The following RALYL variants were observed in gnomAD, a reference collection of about 807,000 sequenced individuals.
The protein encoded by RALYL is RALY RNA binding protein like, also known as RNA-binding Raly-like protein.
Under a neutral mutation model 35.1 loss-of-function variants are expected in RALYL, and 29 were observed. That is an observed-to-expected ratio of 0.83 (90% CI 0.61 to 1.13). RALYL has a LOEUF of 1.13. Among genes scored for constraint, RALYL ranks in the 50% most tolerant of loss-of-function variants. The pLI, the probability that RALYL is intolerant of heterozygous loss-of-function variation, is 0.00. For missense variants in RALYL, 359 were observed against 360.4 expected (o/e 1.00, Z 0.03); for synonymous variants, 120 against 127.6 (o/e 0.94, Z 0.40).
chr8:84,521,636 G>A (rs905449268), intron 1 of RALYL, among the ~76,000 whole-genome samples: 4 of 152,044 alleles, frequency 2.6e-5, no homozygotes, highest in Non-Finnish European at 5.9e-5. Context: ...ATTACTCTTT[G>A]TTTACAAAAT....
chr8:84,603,218 G>A (rs1022397311), intron 2 of RALYL, among the ~76,000 whole-genome samples: 1 of 151,844 alleles, frequency 6.6e-6, no homozygotes, highest in African/African-American at 2.4e-5. Context: ...TGAGAAAGGT[G>A]GTGTTAAAAT....
chr8:84,303,910 A>C (rs1841286633), intron 1 of RALYL, among the ~76,000 whole-genome samples: 2 of 152,028 alleles, frequency 1.3e-5, no homozygotes, highest in South Asian at 4.1e-4. Flanking sequence ...TTTTTATTGG[A>C]ATTCTATTGA....
intron 8 of RALYL, among the ~76,000 whole-genome samples, chr8:84,891,584 C>G (rs1207045259): frequency 6.6e-6 from 1 of 152,152 alleles, no homozygotes; most frequent in Admixed American, 6.5e-5. Context: ...TCTCCCTCAA[C>G]CCTGGTATTA....
chr8:84,918,203 C>T (rs1041860264), intron 8 of RALYL, among the ~76,000 whole-genome samples: 1 of 152,012 alleles, frequency 6.6e-6, no homozygotes, highest in African/African-American at 2.4e-5. Context: ...ATTCCTGCTA[C>T]TGAAGAAGTC....
rs1008102543 is a variant in RALYL at position 84,873,403 on chromosome 8, T to G, written c.685+6T>G. On this transcript the variant is annotated splice_donor_region_variant and intron_variant, in intron 7 of 8. Transcript: ENST00000521268. ...ACAGCAGAAGGCGGAGGCAGGTAAG[T>G]GATCTCTGATCACAGACAGGTCAGA... 4 of 1,511,376 alleles carry G rather than the reference T, an allele frequency of 2.6e-6. No homozygotes were observed. The Admixed American group carries it at 7.3e-5, about 27-fold the overall frequency. The allele number at this position is 1,511,376 out of a possible 1,614,324, so 93.6% of individuals were successfully genotyped here.
chr8:84,885,337 TAAA>T (rs1163118850), intron 7 of RALYL, among the ~76,000 whole-genome samples: 1 of 152,124 alleles, frequency 6.6e-6, no homozygotes, highest in Non-Finnish European at 1.5e-5. Flanking sequence ...TTTACCTTCT[TAAA>T]TTGGATAATA....
intron 1 of RALYL, among the ~76,000 whole-genome samples, chr8:84,321,485 C>G (rs1844797170): frequency 6.6e-6 from 1 of 152,062 alleles, no homozygotes; most frequent in Non-Finnish European, 1.5e-5. Flanking sequence ...TGGAATAACA[C>G]AAAAGTGAGA....
intron 1 of RALYL, among the ~76,000 whole-genome samples, chr8:84,287,157 T>G (rs1274284138): frequency 6.6e-6 from 1 of 152,142 alleles, no homozygotes; most frequent in Non-Finnish European, 1.5e-5. Context: ...ATTTCCATGC[T>G]TGGGAGTAGG....
intron 1 of RALYL, among the ~76,000 whole-genome samples, chr8:84,289,612 G>A (rs1209520867): frequency 1.3e-5 from 2 of 152,040 alleles, no homozygotes; most frequent in African/African-American, 4.8e-5. Context: ...ACATGAGATT[G>A]TTAAAGAAAC....
chr8:84,651,571 G>C (rs74507409), intron 2 of RALYL, among the ~76,000 whole-genome samples: 2,179 of 152,068 alleles, frequency 0.014, 60 homozygotes, highest in African/African-American at 0.049. Flanking sequence ...GAATTTATTT[G>C]ATCTTGAAAA....
At chr8:84,629,607 A>G (rs1823486279) in intron 2 of RALYL, among the ~76,000 whole-genome samples, 1 of 152,042 alleles carries the variant, frequency 6.6e-6, no homozygotes, top group South Asian at 2.1e-4. Context: ...TGTTACATAT[A>G]TTGCTCAGGG....
intron 1 of RALYL, among the ~76,000 whole-genome samples, chr8:84,389,177 G>A (rs1035441587): frequency 6.6e-6 from 1 of 151,910 alleles, no homozygotes; most frequent in African/African-American, 2.4e-5. Flanking sequence ...ATTTCTGAGG[G>A]CTCTGTTCTG....
chr8:84,561,082 G>T (rs569355694), intron 2 of RALYL, among the ~76,000 whole-genome samples: 1 of 152,106 alleles, frequency 6.6e-6, no homozygotes, highest in East Asian at 1.9e-4. Context: ...CAGGCATTAT[G>T]CCAATTAACA....
chr8:84,248,074 A>C (rs1334728447), intron 1 of RALYL, among the ~76,000 whole-genome samples: 1 of 152,178 alleles, frequency 6.6e-6, no homozygotes, highest in Non-Finnish European at 1.5e-5. Flanking sequence ...TAAATAAGGT[A>C]CGTACAGCTT....
At chr8:84,870,793 G>A (rs578261742) in intron 6 of RALYL, among the ~76,000 whole-genome samples, 6 of 152,156 alleles carry the variant, frequency 3.9e-5, no homozygotes, top group South Asian at 2.1e-4. Context: ...GCACAAAACC[G>A]TACCCCATAT....
rs191144533 is a variant in RALYL at position 84,678,147 on chromosome 8, G to A, written c.257-96432G>A. On this transcript the variant is annotated intron_variant, in intron 2 of 8. Coordinates refer to ENST00000521268, the MANE Select transcript of RALYL (RefSeq NM_173848.7). ...TTTTCACCCTTTATTTTTTAACATT[G>A]TCTATATGGGAATGGACAACTCTTG... Among the ~76,000 whole-genome samples, 8 of 152,054 alleles carry A rather than the reference G, an allele frequency of 5.3e-5. No individual in the cohort carries two copies. In the East Asian group the frequency reaches 1.5e-3, roughly 29 times the overall value.
chr8:84,287,216 A>G (rs1837788315), intron 1 of RALYL, among the ~76,000 whole-genome samples: 1 of 152,046 alleles, frequency 6.6e-6, no homozygotes, highest in African/African-American at 2.4e-5. Context: ...TCTCATTATG[A>G]TAGGCTAAAC....
chr8:84,571,814 A>G (rs919932644), intron 2 of RALYL, among the ~76,000 whole-genome samples: 1 of 151,208 alleles, frequency 6.6e-6, no homozygotes, highest in Admixed American at 6.6e-5. Context: ...TAGTTTGTCT[A>G]TTTTCATTTG....
chr8:84,320,998 C>A (rs1844701420), intron 1 of RALYL, among the ~76,000 whole-genome samples: 1 of 151,906 alleles, frequency 6.6e-6, no homozygotes, highest in African/African-American at 2.4e-5. Flanking sequence ...TGGCATATTG[C>A]AAAATATCTA....
Sources: allele counts gnomAD v4.1 joint callset (sites outside exome capture counted in the v4.1 genomes callset), GRCh38; gene constraint gnomAD v4.1.1; transcripts MANE v1.5; gene names NCBI Gene and HGNC (gene_info 2026-07-23, HGNC 2026-07-21).